The following TJP1 variants were observed in gnomAD, a reference collection of about 807,000 sequenced individuals.
The protein encoded by TJP1 is tight junction protein 1.
TJP1 carries 43 observed loss-of-function variants against 194.2 expected under a neutral mutation model. That is an observed-to-expected ratio of 0.22 (90% CI 0.17 to 0.29). TJP1 has a LOEUF of 0.29. Among genes scored for constraint, TJP1 ranks in the 10% least tolerant of loss-of-function variants. The pLI is 1.00. For synonymous variants in TJP1, 801 were observed against 779.0 expected (o/e 1.03, Z -0.47); for missense variants, 1,971 against 2,185.7 (o/e 0.90, Z 1.96).
At chr15:29,914,197 C>T (rs1455431672) in intron 2 of TJP1, among the ~76,000 whole-genome samples, 1 of 152,198 alleles carries the variant, frequency 6.6e-6, no homozygotes, top group African/African-American at 2.4e-5. Context: ...GACTCACTAG[C>T]ATGGATTACA....
intron 2 of TJP1, among the ~76,000 whole-genome samples, chr15:29,937,671 G>C (rs1238626542): frequency 6.6e-6 from 1 of 152,178 alleles, no homozygotes; most frequent in Non-Finnish European, 1.5e-5. Flanking sequence ...GTGACATGCA[G>C]AGTCGTACTT....
At chr15:29,779,062 A>G (rs919452078) in intron 2 of TJP1, among the ~76,000 whole-genome samples, 1 of 152,210 alleles carries the variant, frequency 6.6e-6, no homozygotes, top group Non-Finnish European at 1.5e-5. Flanking sequence ...GTCACATAGC[A>G]AATCTCCCAC....
intron 2 of TJP1, among the ~76,000 whole-genome samples, chr15:29,879,176 C>G (rs1249667159): frequency 6.6e-6 from 1 of 152,180 alleles, no homozygotes; most frequent in East Asian, 1.9e-4. Flanking sequence ...CCTCCTCTGG[C>G]TTCCTTTCCT....
At chr15:29,934,486 T>C (rs760384509) in intron 2 of TJP1, among the ~76,000 whole-genome samples, 5 of 152,220 alleles carry the variant, frequency 3.3e-5, no homozygotes, top group Non-Finnish European at 7.3e-5. Flanking sequence ...GGCTGGGTTG[T>C]CACTGTGATC....
intron 2 of TJP1, among the ~76,000 whole-genome samples, chr15:29,836,658 C>A (rs2051042835): frequency 6.6e-6 from 1 of 152,062 alleles, no homozygotes; most frequent in African/African-American, 2.4e-5. Context: ...TCTGAATATC[C>A]CCCCAAATTC....
intron 2 of TJP1, among the ~76,000 whole-genome samples, chr15:29,929,357 T>A (rs1307390180): frequency 6.6e-6 from 1 of 152,262 alleles, no homozygotes; most frequent in African/African-American, 2.4e-5. Flanking sequence ...TGTAGAGTTT[T>A]ACGTGTGTAT....
intron 2 of TJP1, among the ~76,000 whole-genome samples, chr15:29,846,807 T>C (rs1304333688): frequency 6.6e-6 from 1 of 151,926 alleles, no homozygotes; most frequent in Admixed American, 6.6e-5. Context: ...GTGCCTGTAG[T>C]CCCAGCTACT....
intron 2 of TJP1, among the ~76,000 whole-genome samples, chr15:29,906,921 T>C (rs1274964339): frequency 1.3e-5 from 2 of 152,178 alleles, no homozygotes; most frequent in East Asian, 1.9e-4. Context: ...AGACATGTGA[T>C]GTACTATTAA....
intron 7 of TJP1, 90 bp from the exon 8 acceptor site, chr15:29,761,376 A>G: frequency 6.8e-7 from 1 of 1,470,886 alleles, no homozygotes; most frequent in Non-Finnish European, 9.2e-7. Context: ...TAAGCTAGTA[A>G]GTAAAATTAT....
Position 29,700,477 on chromosome 15 carries a change from C to T in TJP1, c.*1118G>A, listed in dbSNP as rs1473736794. The stretch of plus-strand genomic sequence containing the variant: ...TTAAAAAAAATGACCTTGCATGTGT[C>T]ATAGAAACGCTGCTTTATTGCTGCA... On this transcript the variant is annotated 3_prime_UTR_variant, in exon 28 of 28. Coordinates refer to ENST00000614355, the MANE Select transcript of TJP1 (RefSeq NM_001330239.4). The T allele has an allele frequency of 5.0e-6, 2 of 398,670 alleles. No individual in the cohort carries two copies. The highest frequency in any genetic ancestry group is 8.8e-6 in the Non-Finnish European group (2 of 226,016). 24.7% of individuals were successfully genotyped at this position (398,670 alleles called of 1,614,324 possible).
intron 2 of TJP1, among the ~76,000 whole-genome samples, chr15:29,885,106 C>A (rs2053070728): frequency 6.6e-6 from 1 of 152,200 alleles, no homozygotes. Context: ...CTGCTTTTCC[C>A]TGACTCCCAG....
At chr15:29,870,368 C>T (rs2052469852) in intron 2 of TJP1, among the ~76,000 whole-genome samples, 1 of 152,158 alleles carries the variant, frequency 6.6e-6, no homozygotes, top group Non-Finnish European at 1.5e-5. Flanking sequence ...AAGGTTAGTC[C>T]TGTGTGTAAA....
At chr15:29,848,942 G>A (rs1157287263) in intron 2 of TJP1, among the ~76,000 whole-genome samples, 5 of 151,698 alleles carry the variant, frequency 3.3e-5, no homozygotes, top group Admixed American at 2.0e-4. Context: ...ATGGTGCTAC[G>A]TTTTTATAAA....
intron 8 of TJP1, among the ~76,000 whole-genome samples, chr15:29,760,912 T>G (rs183956922): frequency 1.4e-4 from 22 of 152,288 alleles, no homozygotes. Context: ...AGTTGAGCAG[T>G]GAAAAGAACT....
intron 1 of TJP1, among the ~76,000 whole-genome samples, chr15:29,963,801 G>A (rs1426709242): frequency 2.0e-5 from 3 of 152,028 alleles, no homozygotes; most frequent in African/African-American, 4.8e-5. Flanking sequence ...CTACAGGTAC[G>A]CGCCATCACG....
At chr15:29,711,884 A>G (rs948232916) in intron 23 of TJP1, among the ~76,000 whole-genome samples, 1 of 152,224 alleles carries the variant, frequency 6.6e-6, no homozygotes, top group Non-Finnish European at 1.5e-5. Context: ...CGTTTCAGTA[A>G]AACTAAAAAA....
At position 29,789,359 on chromosome 15, in the gene TJP1, G is replaced by A. The variant is rs560975520; in HGVS notation, c.84+11287C>T. 5.9e-5 allele frequency among the ~76,000 whole-genome samples: 9 copies of A among 152,112 alleles called. No homozygotes were observed. In the South Asian group the frequency reaches 1.5e-3, roughly 25 times the overall value. On this transcript the variant is annotated intron_variant, in intron 2 of 27. Coordinates refer to ENST00000614355, the MANE Select transcript of TJP1 (RefSeq NM_001330239.4). ...AAAGTTATAATGTAGTAGGAGATGG[G>A]GTAAACAACTATCTGATGTACATAT...
chr15:29,895,974 G>A (rs2053464997), intron 2 of TJP1, among the ~76,000 whole-genome samples: 1 of 152,150 alleles, frequency 6.6e-6, no homozygotes, highest in Non-Finnish European at 1.5e-5. Flanking sequence ...GTGATGTAAG[G>A]AGGCAGGGCA....
intron 2 of TJP1, among the ~76,000 whole-genome samples, chr15:29,873,922 C>T (rs1177581507): frequency 6.6e-6 from 1 of 152,144 alleles, no homozygotes; most frequent in Non-Finnish European, 1.5e-5. Flanking sequence ...AGATATTGCA[C>T]AAAGTACAGC....
Sources: allele counts gnomAD v4.1 joint callset (sites outside exome capture counted in the v4.1 genomes callset), GRCh38; gene constraint gnomAD v4.1.1; transcripts MANE v1.5; gene names NCBI Gene and HGNC (gene_info 2026-07-23, HGNC 2026-07-21).